Variants in XYLT1 observed in about 807,000 individuals in gnomAD.
XYLT1 encodes xylosyltransferase 1, also known as beta-D-xylosyltransferase 1.
In XYLT1, 36 loss-of-function variants were observed where a neutral mutation model predicts 91.3. The observed-to-expected ratio is 0.39, with a 90% confidence interval of 0.30 to 0.52. The LOEUF (loss-of-function observed/expected upper bound fraction) is 0.52. Among genes scored for constraint, XYLT1 ranks in the 20% least tolerant of loss-of-function variants. The pLI, the probability that XYLT1 is intolerant of heterozygous loss-of-function variation, is 0.68. For missense variants in XYLT1, 1,242 were observed against 1,284.5 expected (o/e 0.97, Z 0.51); for synonymous variants, 588 against 532.0 (o/e 1.11, Z -1.45).
intron 3 of XYLT1, among the ~76,000 whole-genome samples, chr16:17,253,974 T>C (rs774353826): frequency 6.6e-6 from 1 of 152,082 alleles, no homozygotes; most frequent in Non-Finnish European, 1.5e-5. Context: ...CTCTGTAACA[T>C]GAGTTCCAGT....
intron 11 of XYLT1, among the ~76,000 whole-genome samples, chr16:17,112,088 C>A (rs4453460): frequency 0.25 from 38,538 of 152,050 alleles, 5,579 homozygotes; most frequent in East Asian, 0.61. Context: ...GCTAACAAAC[C>A]TGCGAACGCT....
intron 2 of XYLT1, among the ~76,000 whole-genome samples, chr16:17,284,772 ACT>A (rs2034109400): frequency 1.3e-5 from 2 of 152,202 alleles, no homozygotes; most frequent in African/African-American, 2.4e-5. Flanking sequence ...ACGGAGTGAG[ACT>A]CTGTCTCTAA....
At chr16:17,205,397 G>T (rs1311263974) in intron 3 of XYLT1, among the ~76,000 whole-genome samples, 1 of 152,234 alleles carries the variant, frequency 6.6e-6, no homozygotes, top group Non-Finnish European at 1.5e-5. Flanking sequence ...GGAGGAGAAA[G>T]CAAGGTGCAG....
Position 17,423,371 on chromosome 16 carries a change from T to C in XYLT1, c.363+47063A>G, listed in dbSNP as rs138889488. ...GCAGCTGAGTCTCCTCCCTGTGGCC[T>C]TCCAACAATGGCTGGCAGTAAGGCT... On this transcript the variant is annotated intron_variant, in intron 1 of 11. Coordinates refer to ENST00000261381, the MANE Select transcript of XYLT1 (RefSeq NM_022166.4). Among the ~76,000 whole-genome samples the C allele has an allele frequency of 8.6e-5, 13 of 151,220 alleles. No individual in the cohort carries two copies. The East Asian group carries it at 1.2e-3, about 14-fold the overall frequency.
intron 2 of XYLT1, among the ~76,000 whole-genome samples, chr16:17,286,254 A>G (rs180848883): frequency 7.2e-5 from 11 of 152,286 alleles, no homozygotes; most frequent in Admixed American, 7.2e-4. Flanking sequence ...CACTTACTTG[A>G]AGGGGTAAAC....
chr16:17,437,060 C>T (rs2036468018), intron 1 of XYLT1, among the ~76,000 whole-genome samples: 2 of 152,270 alleles, frequency 1.3e-5, no homozygotes, highest in South Asian at 4.1e-4. Flanking sequence ...TGAGAACCTT[C>T]TGTGGCAGGT....
intron 2 of XYLT1, among the ~76,000 whole-genome samples, chr16:17,313,261 C>G (rs1300511547): frequency 6.6e-6 from 1 of 152,204 alleles, no homozygotes; most frequent in Non-Finnish European, 1.5e-5. Flanking sequence ...GGCCAGGAAG[C>G]AGGAAGCTGG....
intron 2 of XYLT1, among the ~76,000 whole-genome samples, chr16:17,270,119 T>C (rs1442687708): frequency 6.6e-6 from 1 of 152,182 alleles, no homozygotes; most frequent in African/African-American, 2.4e-5. Context: ...TGCTTCCTTC[T>C]CTCTTTAAAA....
intron 8 of XYLT1, among the ~76,000 whole-genome samples, chr16:17,136,975 C>T (rs529782388): frequency 6.6e-6 from 1 of 152,168 alleles, no homozygotes; most frequent in South Asian, 2.1e-4. Context: ...CGGGTCCTCT[C>T]CAAACATGGG....
intron 2 of XYLT1, among the ~76,000 whole-genome samples, chr16:17,288,055 G>C (rs552031051): frequency 2.3e-4 from 35 of 151,128 alleles, no homozygotes; most frequent in African/African-American, 8.5e-4. Flanking sequence ...TCAGCCTCCC[G>C]AGTAAATGAG....
Position 17,220,430 on chromosome 16 carries a change from A to T in XYLT1, c.914-19776T>A, listed in dbSNP as rs532256537. ...GCAGTGGGTAGCCGGGATTGGAGGC[A>T]GTCTGGATAAATTTGGGGAACTCAG... On this transcript the variant is annotated intron_variant, in intron 3 of 11. Coordinates refer to ENST00000261381, the MANE Select transcript of XYLT1 (RefSeq NM_022166.4). 3.3e-5 allele frequency among the ~76,000 whole-genome samples: 5 copies of T among 152,312 alleles called. No individual in the cohort carries two copies. In the East Asian group the frequency reaches 7.7e-4, roughly 24 times the overall value.
At chr16:17,414,534 G>C (rs576615153) in intron 1 of XYLT1, among the ~76,000 whole-genome samples, 2 of 152,254 alleles carry the variant, frequency 1.3e-5, no homozygotes, top group African/African-American at 4.8e-5. Flanking sequence ...GGCACAAAAC[G>C]AGACGGACCC....
At chr16:17,327,721 T>A (rs1450011741) in intron 2 of XYLT1, among the ~76,000 whole-genome samples, 2 of 151,158 alleles carry the variant, frequency 1.3e-5, no homozygotes, top group African/African-American at 4.9e-5. Flanking sequence ...TCAGCTTCTA[T>A]TTTATAACTA....
intron 3 of XYLT1, among the ~76,000 whole-genome samples, chr16:17,231,103 C>T (rs942339094): frequency 2.0e-5 from 3 of 152,344 alleles, no homozygotes; most frequent in East Asian, 1.9e-4. Flanking sequence ...AAACAGTTCA[C>T]GCATTGCTTC....
At chr16:17,121,611 T>TG (rs1333972076) in intron 10 of XYLT1, among the ~76,000 whole-genome samples, 2 of 152,236 alleles carry the variant, frequency 1.3e-5, no homozygotes, top group Admixed American at 6.5e-5. Context: ...AATAGGTTTT[T>TG]GGGGAACAGG....
intron 5 of XYLT1, among the ~76,000 whole-genome samples, chr16:17,187,114 A>AG (rs1002948910): frequency 7.9e-5 from 12 of 152,166 alleles, no homozygotes; most frequent in African/African-American, 2.6e-4. Context: ...GAATCAGTCC[A>AG]GGTGTGGTGG....
chr16:17,136,966 G>A (rs892912973), intron 8 of XYLT1, among the ~76,000 whole-genome samples: 7 of 151,982 alleles, frequency 4.6e-5, no homozygotes, highest in African/African-American at 1.2e-4. Flanking sequence ...AGTGAGGGAC[G>A]GGTCCTCTCC....
chr16:17,432,358 G>A (rs1053666167), intron 1 of XYLT1, among the ~76,000 whole-genome samples: 11 of 152,132 alleles, frequency 7.2e-5, no homozygotes, highest in South Asian at 4.1e-4. Flanking sequence ...ATAACATGCC[G>A]TATATCCTTA....
chr16:17,300,499 C>T (rs1312557520), intron 2 of XYLT1, among the ~76,000 whole-genome samples: 1 of 74,484 alleles, frequency 1.3e-5, no homozygotes, highest in Non-Finnish European at 2.4e-5. Context: ...TTCTGTTACC[C>T]AGTCTGGAGT....
Sources: allele counts gnomAD v4.1 joint callset (sites outside exome capture counted in the v4.1 genomes callset), GRCh38; gene constraint gnomAD v4.1.1; transcripts MANE v1.5; gene names NCBI Gene and HGNC (gene_info 2026-07-23, HGNC 2026-07-21).